The following VTCN1 variants were observed in gnomAD, a reference collection of about 807,000 sequenced individuals.
VTCN1 encodes V-set domain-containing T-cell activation inhibitor 1.
VTCN1 carries 26 observed loss-of-function variants against 26.5 expected under a neutral mutation model. The ratio of observed to expected loss-of-function variants is 0.98; its 90% confidence interval spans 0.72 to 1.36. The LOEUF is 1.36. Ranked by LOEUF, VTCN1 falls within the 40% of genes most tolerant of loss-of-function variation. VTCN1 has a pLI of 0.00. For synonymous variants in VTCN1, 116 were observed against 130.7 expected (o/e 0.89, Z 0.77); for missense variants, 298 against 337.7 (o/e 0.88, Z 0.92).
chr1:117,203,785 G>A (rs1648909036), intron 1 of VTCN1: 2 of 985,306 alleles, frequency 2.0e-6, no homozygotes, highest in African/African-American at 1.7e-5. Flanking sequence ...GCACAGAGCG[G>A]CTGCTAATAC....
At position 117,206,645 on chromosome 1, in the gene VTCN1, C is replaced by T. The variant is rs143813129; in HGVS notation, c.32+4179G>A. ...AAGGAGCGAACCCTGGTGAGGGAAA[C>T]AGGCACAGGAACAGATATTCATATC... On this transcript the variant is annotated intron_variant, in intron 1 of 5. Coordinates refer to ENST00000369458, the MANE Select transcript of VTCN1 (RefSeq NM_024626.4). Among the ~76,000 whole-genome samples, 599 of 140,724 alleles carry T rather than the reference C, an allele frequency of 4.3e-3. 6 individuals carry two copies. The highest frequency in any genetic ancestry group is 0.015 in the African/African-American group (573 of 37,942). The allele number at this position is 140,724 out of a possible 152,430, so 92.3% of individuals were successfully genotyped here.
chr1:117,172,998 C>T (rs936770632), intron 1 of VTCN1, among the ~76,000 whole-genome samples: 4 of 152,166 alleles, frequency 2.6e-5, no homozygotes, highest in East Asian at 1.9e-4. Context: ...TTTGTTCTTT[C>T]GCTCTTCACA....
At chr1:117,174,323 T>C (rs571718880) in intron 1 of VTCN1, among the ~76,000 whole-genome samples, 1 of 152,314 alleles carries the variant, frequency 6.6e-6, no homozygotes, top group African/African-American at 2.4e-5. Flanking sequence ...GTACTTACTA[T>C]GTGAAAGACA....
intron 1 of VTCN1, among the ~76,000 whole-genome samples, chr1:117,176,940 A>G (rs557860553): frequency 6.6e-6 from 1 of 152,272 alleles, no homozygotes; most frequent in Admixed American, 6.5e-5. Flanking sequence ...CTCTACTAAA[A>G]ATGCAAAAAT....
intron 1 of VTCN1, among the ~76,000 whole-genome samples, chr1:117,185,838 C>T (rs1164256480): frequency 3.3e-5 from 5 of 152,174 alleles, no homozygotes; most frequent in Non-Finnish European, 7.3e-5. Context: ...CCAACCCCCA[C>T]TTCAAGTTGT....
At chr1:117,172,428 C>T (rs181479865) in intron 1 of VTCN1, 1 of 518,840 alleles carries the variant, frequency 1.9e-6, no homozygotes, top group African/African-American at 1.9e-5. Flanking sequence ...AGCCTCAGTT[C>T]TTACTGGTCC....
chr1:117,156,114 G>T (rs941635403), intron 3 of VTCN1, among the ~76,000 whole-genome samples: 3 of 152,210 alleles, frequency 2.0e-5, no homozygotes, highest in African/African-American at 7.2e-5. Context: ...TGTTGCAGGG[G>T]AAGGGGAATT....
At chr1:117,157,333 TAAAG>T (rs2101470759) in intron 2 of VTCN1, among the ~76,000 whole-genome samples, 1 of 152,126 alleles carries the variant, frequency 6.6e-6, no homozygotes, top group South Asian at 2.1e-4. Context: ...ATGCTGCTGA[TAAAG>T]ACACACCTGA....
intron 1 of VTCN1, among the ~76,000 whole-genome samples, chr1:117,184,724 C>A (rs1381318522): frequency 6.6e-6 from 1 of 152,114 alleles, no homozygotes; most frequent in African/African-American, 2.4e-5. Context: ...TGGCATGGAG[C>A]AAAGGCACTA....
At chr1:117,163,735 A>G (rs1043360562) in intron 2 of VTCN1, among the ~76,000 whole-genome samples, 3 of 152,118 alleles carry the variant, frequency 2.0e-5, no homozygotes, top group Non-Finnish European at 2.9e-5. Context: ...TTTTGCTGAT[A>G]CCCAGGGCCA....
intron 1 of VTCN1, among the ~76,000 whole-genome samples, chr1:117,177,115 C>G (rs564025385): frequency 3.4e-4 from 51 of 151,232 alleles, no homozygotes; most frequent in African/African-American, 1.2e-3. Flanking sequence ...ACCAAAAAAA[C>G]AAAAAAGGAA....
Position 117,199,414 on chromosome 1 carries a change from C to T in VTCN1, c.32+11410G>A, listed in dbSNP as rs189592262. Among the ~76,000 whole-genome samples the T allele has an allele frequency of 4.7e-3, 715 of 152,298 alleles. 3 individuals are homozygous for T. The highest frequency in any genetic ancestry group is 7.0e-3 in the Non-Finnish European group (475 of 68,026). ...GATCTCTGCTCACTGCAAACTCTGC[C>T]TCACAGGCTCAAGCAATTCTCCTGC... On this transcript the variant is annotated intron_variant, in intron 1 of 5. Transcript: ENST00000369458.
At chr1:117,180,814 C>A (rs1231992027) in intron 1 of VTCN1, among the ~76,000 whole-genome samples, 2 of 152,226 alleles carry the variant, frequency 1.3e-5, no homozygotes, top group Admixed American at 6.5e-5. Flanking sequence ...CTGCTCACCT[C>A]TCCTCCTCCA....
In VTCN1 at chr1:117,186,549, G is replaced by T. The variant is rs1425999500; in HGVS notation, c.33-16378C>A. On this transcript the variant is annotated intron_variant, in intron 1 of 5. Coordinates refer to ENST00000369458, the MANE Select transcript of VTCN1 (RefSeq NM_024626.4). The stretch of plus-strand genomic sequence containing the variant: ...TGTTGTGTTTTATGTTGGAACTGGG[G>T]CTTGGAAAGTGAAATGAACTAGTTA... Among the ~76,000 whole-genome samples the T allele has an allele frequency of 2.0e-5, 3 of 152,208 alleles. No homozygotes were observed. The South Asian group carries it at 6.2e-4, about 32-fold the overall frequency.
chr1:117,183,830 A>G lies in VTCN1; in HGVS notation c.33-13659T>C, dbSNP rs1647790500. 6.6e-6 allele frequency among the ~76,000 whole-genome samples: 1 copy of G among 152,244 alleles called. No homozygotes were observed. Among genetic ancestry groups the G allele is most frequent in the Non-Finnish European group, 1.5e-5 (1 of 68,032 alleles). On this transcript the variant is annotated intron_variant, in intron 1 of 5. Transcript: ENST00000369458. The surrounding 1 kb of genome is among the most constrained non-coding windows in gnomAD (Gnocchi z 4.1). ...CAAAACCACACACACATTTTTGGGT[A>G]CTTCATTTTTGCCAGCAAGAAAAAT...
chr1:117,144,580 A>C lies in VTCN1; in HGVS notation c.*691T>G, dbSNP rs1651418873. 6.6e-6 allele frequency: 1 copy of C among 152,260 alleles called. No individual in the cohort carries two copies. Among genetic ancestry groups the C allele is most frequent in the Admixed American group, 6.5e-5 (1 of 15,282 alleles). The allele number at this position is 152,260 out of a possible 1,614,324, so 9.4% of individuals were successfully genotyped here. ...AATAAACCCGCATTTGTTTGTTTAA[A>C]AAGAAGGTGCTCAGTTTATTTATAA... On this transcript the variant is annotated 3_prime_UTR_variant, in exon 6 of 6. Coordinates refer to ENST00000369458, the MANE Select transcript of VTCN1 (RefSeq NM_024626.4).
chr1:117,208,949 A>G (rs1414687993), intron 1 of VTCN1, among the ~76,000 whole-genome samples: 1 of 152,226 alleles, frequency 6.6e-6, no homozygotes, highest in Non-Finnish European at 1.5e-5. Flanking sequence ...AATTAAGGCC[A>G]TTATGACAAA....
chr1:117,167,849 C>T lies in VTCN1; in HGVS notation c.97+2258G>A, dbSNP rs1338571372. 6.6e-6 allele frequency among the ~76,000 whole-genome samples: 1 copy of T among 151,864 alleles called. No homozygotes were observed. The highest frequency in any genetic ancestry group is 1.5e-5 in the Non-Finnish European group (1 of 67,988). On this transcript the variant is annotated intron_variant, in intron 2 of 5. Coordinates refer to ENST00000369458, the MANE Select transcript of VTCN1 (RefSeq NM_024626.4). The surrounding 1 kb of genome is among the most constrained non-coding windows in gnomAD (Gnocchi z 4.1). ...AAATTAGTAAAATAGGAATACAGAT[C>T]AGAGAAAATATAAATAAGCTAAAAG... is the stretch of plus-strand genomic sequence containing the variant.
chr1:117,173,701 T>A (rs1316918696), intron 1 of VTCN1, among the ~76,000 whole-genome samples: 4 of 152,244 alleles, frequency 2.6e-5, no homozygotes, highest in African/African-American at 7.2e-5. Flanking sequence ...CATACACTAC[T>A]TTTTACTATA....
Sources: allele counts gnomAD v4.1 joint callset (sites outside exome capture counted in the v4.1 genomes callset), GRCh38; gene constraint gnomAD v4.1.1; non-coding constraint Gnocchi (gnomAD v3.1); transcripts MANE v1.5; gene names NCBI Gene and HGNC (gene_info 2026-07-23, HGNC 2026-07-21).